The following NAA11 variants were observed in gnomAD, a reference collection of about 807,000 sequenced individuals.
NAA11 encodes the protein N-alpha-acetyltransferase 11, NatA catalytic subunit.
A neutral mutation model predicts 16.1 loss-of-function variants in NAA11; 15 were observed. The ratio of observed to expected loss-of-function variants is 0.93; its 90% CI spans 0.62 to 1.44. The LOEUF is 1.44. NAA11 is among the 40% of genes most tolerant of loss of function. NAA11 has a pLI of 0.00. For missense variants in NAA11, 298 were observed against 291.3 expected (o/e 1.02, Z -0.17); for synonymous variants, 122 against 112.4 (o/e 1.09, Z -0.54).
chr4:79,189,162 A>AAAAAAAAAAAAAAAAAAAC, the NAA11 span, among the ~76,000 whole-genome samples: 1 of 148,710 alleles, frequency 6.7e-6, no homozygotes, highest in Non-Finnish European at 1.5e-5. Context: ...AAAAAAAAAA[A>AAAAAAAAAAAAAAAAAAAC]AACTTATGAA....
chr4:79,156,972 C>T, the NAA11 span, among the ~76,000 whole-genome samples: 13 of 152,278 alleles, frequency 8.5e-5, no homozygotes, highest in South Asian at 4.1e-4. Flanking sequence ...ACAGGACTCA[C>T]GACATTTCAG....
At chr4:79,214,010 C>G in the NAA11 span, among the ~76,000 whole-genome samples, 4 of 152,126 alleles carry the variant, frequency 2.6e-5, no homozygotes, top group African/African-American at 9.7e-5. Flanking sequence ...ATTTTGCATT[C>G]TGGTTGGTAA....
chr4:79,169,204 C>G, the NAA11 span, among the ~76,000 whole-genome samples: 4 of 152,244 alleles, frequency 2.6e-5, no homozygotes, highest in South Asian at 6.2e-4. Flanking sequence ...AGATTCAATG[C>G]TATCCCCATC....
intron 2 of NAA11, among the ~76,000 whole-genome samples, chr4:79,268,555 T>A (rs573346369): frequency 6.6e-6 from 1 of 152,260 alleles, no homozygotes; most frequent in Admixed American, 6.5e-5. Flanking sequence ...TTTTGCAATT[T>A]CAAAAGAAAT....
the NAA11 span, among the ~76,000 whole-genome samples, chr4:79,185,716 A>G: frequency 3.9e-5 from 6 of 152,170 alleles, no homozygotes; most frequent in Non-Finnish European, 8.8e-5. Flanking sequence ...TTCTAACTAA[A>G]CAAACTCTGT....
chr4:79,251,865 A>G (rs1414685140), intron 2 of NAA11, among the ~76,000 whole-genome samples: 2 of 152,178 alleles, frequency 1.3e-5, no homozygotes, highest in Admixed American at 1.3e-4. Flanking sequence ...CATTTTAAAA[A>G]TCCACTCATT....
At chr4:79,210,144 G>A in the NAA11 span, among the ~76,000 whole-genome samples, 1 of 152,184 alleles carries the variant, frequency 6.6e-6, no homozygotes, top group Non-Finnish European at 1.5e-5. Context: ...ATTCACTCGG[G>A]TGCGAGTGGG....
the NAA11 span, among the ~76,000 whole-genome samples, chr4:79,183,065 TC>T: frequency 9.2e-5 from 14 of 152,196 alleles, no homozygotes; most frequent in East Asian, 2.7e-3. Flanking sequence ...GGTAACATTT[TC>T]CCCCTCTGAA....
chr4:79,250,113 A>C (rs1721959630), intron 2 of NAA11, among the ~76,000 whole-genome samples: 1 of 152,244 alleles, frequency 6.6e-6, no homozygotes, highest in Non-Finnish European at 1.5e-5. Flanking sequence ...TCTGCCACAG[A>C]TCTTTGCAAT....
intron 2 of NAA11, among the ~76,000 whole-genome samples, chr4:79,280,594 CT>C (rs200098541): frequency 4.6e-5 from 7 of 150,808 alleles, no homozygotes; most frequent in African/African-American, 9.7e-5. Context: ...CATTTTGATA[CT>C]TTTTTTTTCC....
At chr4:79,161,767 C>G in the NAA11 span, among the ~76,000 whole-genome samples, 1 of 151,998 alleles carries the variant, frequency 6.6e-6, no homozygotes, top group African/African-American at 2.4e-5. Context: ...CTCCACCTCC[C>G]GGCCTCCCGG....
At chr4:79,222,755 G>T (rs1243024495), downstream of NAA11, among the ~76,000 whole-genome samples, 1 of 150,992 alleles carries the variant, frequency 6.6e-6, no homozygotes, top group African/African-American at 2.4e-5. Context: ...TCTGACAAAG[G>T]GCTAATATAC....
the NAA11 span, among the ~76,000 whole-genome samples, chr4:79,168,477 A>C: frequency 6.6e-6 from 1 of 151,990 alleles, no homozygotes; most frequent in African/African-American, 2.4e-5. Flanking sequence ...ACTAATTTAC[A>C]CTCCCACTAA....
At chr4:79,214,642 A>G in the NAA11 span, among the ~76,000 whole-genome samples, 1 of 152,076 alleles carries the variant, frequency 6.6e-6, no homozygotes, top group African/African-American at 2.4e-5. Context: ...TACTAAAAAT[A>G]CAAAAAATTA....
At chr4:79,273,880 G>A (rs1210794976) in intron 2 of NAA11, among the ~76,000 whole-genome samples, 4 of 152,068 alleles carry the variant, frequency 2.6e-5, no homozygotes, top group African/African-American at 9.7e-5. Flanking sequence ...GCCCTTGGCT[G>A]CAAGATAGCC....
At chr4:79,322,142 C>A (rs1724108033) in intron 1 of NAA11, among the ~76,000 whole-genome samples, 1 of 152,118 alleles carries the variant, frequency 6.6e-6, no homozygotes, top group Non-Finnish European at 1.5e-5. Context: ...TACTCATATA[C>A]CCTTGCTACC....
chr4:79,171,499 A>C, the NAA11 span, among the ~76,000 whole-genome samples: 1 of 152,182 alleles, frequency 6.6e-6, no homozygotes, highest in East Asian at 1.9e-4. Context: ...CTGCTATAGC[A>C]GCATAAAATG....
At chr4:79,193,789 G>A in the NAA11 span, among the ~76,000 whole-genome samples, 1 of 152,076 alleles carries the variant, frequency 6.6e-6, no homozygotes, top group African/African-American at 2.4e-5. Context: ...TGATGGGGAT[G>A]GCATTGAATC....
chr4:79,314,908 C>A (rs957878739), downstream of NAA11, among the ~76,000 whole-genome samples: 120 of 151,980 alleles, frequency 7.9e-4, no homozygotes, highest in African/African-American at 2.8e-3. Context: ...TTTTGTTGTA[C>A]ACGTTTTTAA....
Sources: allele counts gnomAD v4.1 joint callset (sites outside exome capture counted in the v4.1 genomes callset), GRCh38; gene constraint gnomAD v4.1.1; transcripts MANE v1.5; gene names NCBI Gene and HGNC (gene_info 2026-07-23, HGNC 2026-07-21).